The following ELOVL6 variants were observed in gnomAD, a reference collection of about 807,000 sequenced individuals.
ELOVL6 encodes ELOVL fatty acid elongase 6.
ELOVL6 carries 8 observed loss-of-function variants against 31.7 expected under a neutral mutation model. The ratio of observed to expected loss-of-function variants is 0.25; its 90% CI spans 0.15 to 0.45. The LOEUF (loss-of-function observed/expected upper bound fraction) is 0.45, where lower values mean the gene tolerates loss of function less well. Ranked by LOEUF, ELOVL6 falls within the 20% of genes least tolerant of loss-of-function variation. The pLI, the probability that ELOVL6 is intolerant of heterozygous loss-of-function variation, is 1.00. For synonymous variants in ELOVL6, 101 were observed against 117.7 expected, an observed-to-expected ratio of 0.86 and a Z score of 0.92; for missense variants, 126 against 326.4, an observed-to-expected ratio of 0.39 and a Z score of 4.73.
intron 2 of ELOVL6, among the ~76,000 whole-genome samples, chr4:110,062,631 T>G (rs893801586): frequency 3.9e-5 from 6 of 152,244 alleles, no homozygotes; most frequent in African/African-American, 1.4e-4. Flanking sequence ...GGCAGCGTGA[T>G]GCAGCAGGCA....
At chr4:110,146,414 T>A (rs1290660025) in intron 1 of ELOVL6, 1 of 152,262 alleles carries the variant, frequency 6.6e-6, no homozygotes, top group African/African-American at 2.4e-5. Context: ...GAAAAAATCA[T>A]GCAAATCAAG....
At chr4:110,061,730 G>C (rs1755149492) in intron 2 of ELOVL6, among the ~76,000 whole-genome samples, 1 of 151,518 alleles carries the variant, frequency 6.6e-6, no homozygotes, top group Non-Finnish European at 1.5e-5. Flanking sequence ...CTAATTTTTT[G>C]TGTTTTTAGT....
chr4:110,100,864 A>G (rs1269975719), intron 2 of ELOVL6, among the ~76,000 whole-genome samples: 3 of 152,210 alleles, frequency 2.0e-5, no homozygotes, highest in East Asian at 3.8e-4. Flanking sequence ...TCCTGAGCAA[A>G]GAATTTCTAT....
chr4:110,074,962 G>C (rs1755589124), intron 2 of ELOVL6, among the ~76,000 whole-genome samples: 1 of 152,036 alleles, frequency 6.6e-6, no homozygotes, highest in Non-Finnish European at 1.5e-5. Flanking sequence ...ATTAAAAAAT[G>C]AGCAACAAAG....
intron 2 of ELOVL6, among the ~76,000 whole-genome samples, chr4:110,097,182 T>G (rs1756604556): frequency 6.6e-6 from 1 of 151,636 alleles, no homozygotes; most frequent in Non-Finnish European, 1.5e-5. Context: ...GGCGGGTGCC[T>G]GTAATCCCAG....
chr4:110,098,246 A>G (rs558724489), intron 2 of ELOVL6, among the ~76,000 whole-genome samples: 1 of 152,200 alleles, frequency 6.6e-6, no homozygotes, highest in Admixed American at 6.5e-5. Context: ...CTATAAACCG[A>G]TCATTATTGG....
At chr4:110,119,071 A>C (rs1757269326) in intron 1 of ELOVL6, among the ~76,000 whole-genome samples, 1 of 152,192 alleles carries the variant, frequency 6.6e-6, no homozygotes, top group Non-Finnish European at 1.5e-5. Flanking sequence ...CAAATTAATT[A>C]ATTAAAATTA....
intron 3 of ELOVL6, among the ~76,000 whole-genome samples, chr4:110,056,512 G>T (rs1258751540): frequency 6.7e-6 from 1 of 149,922 alleles, no homozygotes; most frequent in African/African-American, 2.5e-5. Flanking sequence ...AGTATTTGAA[G>T]AACAATATCC....
chr4:110,184,227 A>AT (rs1387454151), intron 1 of ELOVL6, among the ~76,000 whole-genome samples: 2 of 152,222 alleles, frequency 1.3e-5, no homozygotes, highest in African/African-American at 4.8e-5. Flanking sequence ...GCAGTGCCAG[A>AT]TAATATAATC....
At chr4:110,092,461 A>G (rs947460990) in intron 2 of ELOVL6, among the ~76,000 whole-genome samples, 11 of 152,120 alleles carry the variant, frequency 7.2e-5, no homozygotes, top group African/African-American at 2.7e-4. Flanking sequence ...ATTTCTCTTT[A>G]ATGAACACTA....
At chr4:110,118,314 C>G (rs1006366487) in intron 1 of ELOVL6, among the ~76,000 whole-genome samples, 1 of 152,074 alleles carries the variant, frequency 6.6e-6, no homozygotes, top group African/African-American at 2.4e-5. Context: ...CACCACCCCC[C>G]TAACTCCACA....
chr4:110,182,946 G>A (rs1487826711), intron 1 of ELOVL6, among the ~76,000 whole-genome samples: 1 of 151,968 alleles, frequency 6.6e-6, no homozygotes, highest in Non-Finnish European at 1.5e-5. Context: ...AGAAGGATAA[G>A]GAGTAAACTC....
rs57846282 is a variant in ELOVL6, at chr4:110,061,549, CTTT to C, written c.222-1798_222-1796del. On this transcript the variant is annotated intron_variant, in intron 2 of 3. Transcript: ENST00000302274. ...CTGTCTTTCCCTCACCAAATGATGG[CTTT>C]TTTTTTTTTTTTTTTTTTTTTTGAG... 3.3e-4 allele frequency among the ~76,000 whole-genome samples: 24 copies of C among 72,362 alleles called. No homozygotes were observed. In the South Asian group the frequency reaches 7.3e-3, roughly 22 times the overall value. The allele number at this position is 72,362 out of a possible 152,430, so 47.5% of individuals were successfully genotyped here.
At chr4:110,117,903 A>AAAAAAAAAAAAAAAAAAAAATT in intron 1 of ELOVL6, 1 of 6,506 alleles carries the variant, frequency 1.5e-4, no homozygotes, top group African/African-American at 3.3e-4. Context: ...AAAAAAAAAA[A>AAAAAAAAAAAAAAAAAAAAATT]ATATATATAT....
chr4:110,072,689 T>C (rs748918849), intron 2 of ELOVL6, among the ~76,000 whole-genome samples: 3 of 152,098 alleles, frequency 2.0e-5, no homozygotes, highest in Non-Finnish European at 4.4e-5. Context: ...CTGGGAGCAC[T>C]TTTATCTCTG....
At chr4:110,085,389 T>C (rs980088584) in intron 2 of ELOVL6, among the ~76,000 whole-genome samples, 1 of 152,142 alleles carries the variant, frequency 6.6e-6, no homozygotes, top group Admixed American at 6.5e-5. Context: ...CAGTTAATAG[T>C]CCACAGTGCT....
At chr4:110,189,554 A>ACTG (rs1180610410) in intron 1 of ELOVL6, among the ~76,000 whole-genome samples, 10 of 134,618 alleles carry the variant, frequency 7.4e-5, no homozygotes, top group Admixed American at 2.6e-4. Context: ...AGATCATGCC[A>ACTG]CTGCACTCAG....
intron 3 of ELOVL6, among the ~76,000 whole-genome samples, chr4:110,058,718 T>C (rs1755062384): frequency 6.6e-6 from 1 of 152,106 alleles, no homozygotes; most frequent in African/African-American, 2.4e-5. Context: ...TTGAAAACAA[T>C]GGCAAAAATT....
intron 2 of ELOVL6, among the ~76,000 whole-genome samples, chr4:110,090,600 C>CTTTTTTGT (rs1553956743): frequency 9.6e-5 from 10 of 103,716 alleles, no homozygotes; most frequent in African/African-American, 3.8e-4. Context: ...GTTTGACTTT[C>CTTTTTTGT]TTTTTTTTTT....
Sources: allele counts gnomAD v4.1 joint callset (sites outside exome capture counted in the v4.1 genomes callset), GRCh38; gene constraint gnomAD v4.1.1; transcripts MANE v1.5; gene names NCBI Gene and HGNC (gene_info 2026-07-23, HGNC 2026-07-21).